The following ASB3 variants were observed in gnomAD, a reference collection of about 807,000 sequenced individuals.
ASB3 encodes the protein ankyrin repeat and SOCS box protein 3.
A neutral mutation model predicts 54.5 loss-of-function variants in ASB3; 41 were observed. The ratio of observed to expected loss-of-function variants is 0.75; its 90% CI spans 0.59 to 0.98. The LOEUF is 0.98. Ranked by LOEUF, ASB3 falls within the 50% of genes least tolerant of loss-of-function variation. The probability of loss-of-function intolerance (pLI) is 0.00; values close to 1 mark genes in which losing one functional copy is unlikely to be tolerated. For synonymous variants in ASB3, 266 were observed against 221.2 expected (o/e 1.20, Z -1.80); for missense variants, 733 against 620.0 (o/e 1.18, Z -1.94).
chr2:53,680,189 G>A (rs568949180), intron 9 of ASB3, among the ~76,000 whole-genome samples: 244 of 152,278 alleles, frequency 1.6e-3, no homozygotes, highest in Admixed American at 0.015. Context: ...ACTGTGAATA[G>A]CACTGCAAGG....
At chr2:53,766,329 T>C (rs75124429) in intron 1 of ASB3, among the ~76,000 whole-genome samples, 1,875 of 152,332 alleles carry the variant, frequency 0.012, 31 homozygotes, top group African/African-American at 0.043. Flanking sequence ...GAGTCCAGTA[T>C]AGCTCTCATG....
chr2:53,777,447 A>G (rs1048723364), intron 1 of ASB3, among the ~76,000 whole-genome samples: 3 of 152,210 alleles, frequency 2.0e-5, no homozygotes, highest in African/African-American at 7.2e-5. Context: ...CTCTTACACT[A>G]TTCTTTATCA....
At chr2:53,775,426 A>G (rs975780781) in intron 1 of ASB3, among the ~76,000 whole-genome samples, 3 of 152,064 alleles carry the variant, frequency 2.0e-5, no homozygotes, top group Non-Finnish European at 4.4e-5. Context: ...CACAGGCTGG[A>G]AAGTGTAACC....
intron 1 of ASB3, 81 bp from the exon 2 acceptor site, chr2:53,765,666 C>G: frequency 6.5e-7 from 1 of 1,527,094 alleles, no homozygotes; most frequent in Non-Finnish European, 8.9e-7. Flanking sequence ...CACGGTGGGC[C>G]TGTCTAGTAT....
intron 3 of ASB3, among the ~76,000 whole-genome samples, chr2:53,741,485 T>C (rs1472819463): frequency 6.6e-6 from 1 of 152,250 alleles, no homozygotes; most frequent in African/African-American, 2.4e-5. Context: ...ACTTCCTTGA[T>C]GAAGAAACCA....
intron 7 of ASB3, among the ~76,000 whole-genome samples, chr2:53,707,136 G>A (rs576870502): frequency 1.3e-5 from 2 of 152,316 alleles, no homozygotes; most frequent in African/African-American, 2.4e-5. Flanking sequence ...TGTGCTATTC[G>A]GTAGGGTAGC....
chr2:53,782,953 A>AT (rs1017531293), intron 1 of ASB3, among the ~76,000 whole-genome samples: 1 of 152,018 alleles, frequency 6.6e-6, no homozygotes, highest in African/African-American at 2.4e-5. Context: ...CTTCCGGCTA[A>AT]TTTTTTTATT....
chr2:53,722,131 G>T (rs1409764612), intron 5 of ASB3, among the ~76,000 whole-genome samples: 5 of 148,726 alleles, frequency 3.4e-5, no homozygotes, highest in Non-Finnish European at 7.4e-5. Flanking sequence ...GAATCAGAAA[G>T]AAATTGAAAT....
At position 53,734,555 on chromosome 2, in the gene ASB3, C is replaced by G. The variant is rs573336726; in HGVS notation, c.356-4985G>C. On this transcript the variant is annotated intron_variant, in intron 3 of 9. Coordinates refer to ENST00000263634, the MANE Select transcript of ASB3 (RefSeq NM_016115.5). ...CAGGTACTAGAGATACAGAAGTGAA[C>G]AAGAGACAAAAATACCTGCCTCCAT... Among the ~76,000 whole-genome samples the G allele has an allele frequency of 5.9e-5, 9 of 152,254 alleles. No homozygotes were observed. In the East Asian group the frequency reaches 1.5e-3, roughly 26 times the overall value.
chr2:53,772,481 T>A (rs1674012124), intron 1 of ASB3, among the ~76,000 whole-genome samples: 1 of 152,098 alleles, frequency 6.6e-6, no homozygotes. Context: ...GCCGTGGGAT[T>A]TTTTTAAAAA....
chr2:53,732,357 A>C (rs1342269289), intron 3 of ASB3, among the ~76,000 whole-genome samples: 1 of 152,266 alleles, frequency 6.6e-6, no homozygotes, highest in East Asian at 1.9e-4. Flanking sequence ...TGAAAATAAT[A>C]GTAATAATTT....
intron 3 of ASB3, among the ~76,000 whole-genome samples, chr2:53,743,600 G>A (rs1462711579): frequency 2.0e-5 from 3 of 152,068 alleles, no homozygotes; most frequent in Non-Finnish European, 2.9e-5. Context: ...ACAATATAAG[G>A]ATACTGATTT....
intron 3 of ASB3, among the ~76,000 whole-genome samples, chr2:53,737,441 T>C (rs1671702376): frequency 6.6e-6 from 1 of 152,138 alleles, no homozygotes; most frequent in Non-Finnish European, 1.5e-5. Context: ...ACAGGAGGCC[T>C]CTGTGTGGAA....
intron 9 of ASB3, among the ~76,000 whole-genome samples, chr2:53,679,939 C>T (rs775095448): frequency 2.0e-5 from 3 of 152,082 alleles, no homozygotes; most frequent in East Asian, 1.9e-4. Context: ...TTCCCTTCTA[C>T]GTGTCCCTAG....
At chr2:53,679,427 T>C (rs1348878291) in intron 9 of ASB3, among the ~76,000 whole-genome samples, 2 of 152,120 alleles carry the variant, frequency 1.3e-5, no homozygotes, top group African/African-American at 4.8e-5. Context: ...TTTTTTTTTC[T>C]GAGCTTCCAA....
chr2:53,783,234 T>G (rs181113623), intron 1 of ASB3, among the ~76,000 whole-genome samples: 3 of 152,044 alleles, frequency 2.0e-5, no homozygotes, highest in African/African-American at 7.2e-5. Context: ...AATGCATCCA[T>G]TAAAAATAAC....
At chr2:53,717,756 G>A (rs1173781379) in intron 5 of ASB3, among the ~76,000 whole-genome samples, 1 of 152,050 alleles carries the variant, frequency 6.6e-6, no homozygotes, top group African/African-American at 2.4e-5. Context: ...AGCTCAACAA[G>A]ATCCAGACAA....
chr2:53,691,535 T>C (rs985606901), intron 9 of ASB3, among the ~76,000 whole-genome samples: 3 of 152,130 alleles, frequency 2.0e-5, no homozygotes, highest in African/African-American at 7.2e-5. Context: ...GAAGGTCAGT[T>C]TTGTAAAGAG....
rs1558575410 is a variant in ASB3, at chr2:53,773,325, T to TTACAA, written c.-13-7741_-13-7740insTTGTA. ...AAGATAAAATATCTTGCTGTGCCTA[T>TTACAA]GATACAAAGAAATTATTCACAATGG... On this transcript the variant is annotated intron_variant, in intron 1 of 9. Coordinates refer to ENST00000263634, the MANE Select transcript of ASB3 (RefSeq NM_016115.5). Among the ~76,000 whole-genome samples, 1,031 of 152,344 alleles carry TTACAA rather than the reference T, an allele frequency of 6.8e-3. 12 individuals carry two copies. The highest frequency in any genetic ancestry group is 0.023 in the African/African-American group (959 of 41,580).
Sources: allele counts gnomAD v4.1 joint callset (sites outside exome capture counted in the v4.1 genomes callset), GRCh38; gene constraint gnomAD v4.1.1; transcripts MANE v1.5; gene names NCBI Gene and HGNC (gene_info 2026-07-23, HGNC 2026-07-21).